Variants in NLGN1 observed in about 807,000 individuals in gnomAD.
NLGN1 encodes neuroligin-1.
In NLGN1, 12 loss-of-function variants were observed where a neutral mutation model predicts 65.5. The ratio of observed to expected loss-of-function variants is 0.18; its 90% CI spans 0.12 to 0.30. The LOEUF (loss-of-function observed/expected upper bound fraction) is 0.30. Ranked by LOEUF, NLGN1 falls within the 10% of genes least tolerant of loss-of-function variation. The pLI is 1.00. For synonymous variants in NLGN1, 350 were observed against 359.5 expected, an observed-to-expected ratio of 0.97 and a Z score of 0.30; for missense variants, 750 against 1,007.1, an observed-to-expected ratio of 0.74 and a Z score of 3.46.
intron 4 of NLGN1, among the ~76,000 whole-genome samples, chr3:173,924,892 C>T (rs2152272147): frequency 6.6e-6 from 1 of 152,122 alleles, no homozygotes; most frequent in African/African-American, 2.4e-5. Flanking sequence ...GAAATATTTA[C>T]TTGGTATATT....
At chr3:174,078,408 G>A (rs1427013063) in intron 4 of NLGN1, among the ~76,000 whole-genome samples, 2 of 152,114 alleles carry the variant, frequency 1.3e-5, no homozygotes, top group South Asian at 2.1e-4. Context: ...AAGGGTTCTA[G>A]GCAGAAATTT....
chr3:174,280,760 T>A lies in NLGN1; in HGVS notation c.1929T>A (p.Ser643=). The change falls in exon 7 of 7, where the codon TCT becomes TCA. Residue 643 remains serine (S), a synonymous_variant. Coordinates refer to ENST00000457714, the Ensembl canonical transcript of NLGN1. The surrounding 1 kb of genome is among the most constrained non-coding windows in gnomAD (Gnocchi z 4.9). ...CTTTCAGACCTACGAGAAAAAATTC[T>A]GTACCTGTCACGTCAGCCTTTCCCA... 6.2e-7 allele frequency: 1 copy of A among 1,613,390 alleles called. No individual in the cohort carries two copies. The highest frequency in any genetic ancestry group is 1.1e-5 in the South Asian group (1 of 91,084).
chr3:174,288,258 T>C (rs974872657), downstream of NLGN1, among the ~76,000 whole-genome samples: 3 of 151,584 alleles, frequency 2.0e-5, no homozygotes, highest in African/African-American at 7.3e-5. Context: ...TTCCAAATAA[T>C]AAATACAGCC....
chr3:173,921,176 A>G (rs1251616717), intron 4 of NLGN1, among the ~76,000 whole-genome samples: 3 of 138,472 alleles, frequency 2.2e-5, no homozygotes, highest in Non-Finnish European at 4.6e-5. Flanking sequence ...AATATATATT[A>G]CATATTATAT....
intron 4 of NLGN1, among the ~76,000 whole-genome samples, chr3:174,216,311 A>G (rs940136720): frequency 3.9e-5 from 6 of 152,166 alleles, no homozygotes; most frequent in Non-Finnish European, 8.8e-5. Context: ...ATAGAGGGAC[A>G]TAGGACTCCC....
intron 4 of NLGN1, among the ~76,000 whole-genome samples, chr3:174,102,000 CAGAG>C (rs2152575179): frequency 6.6e-6 from 1 of 152,234 alleles, no homozygotes; most frequent in Admixed American, 6.5e-5. Flanking sequence ...GTACTTCAGA[CAGAG>C]GGCATGATCA....
At chr3:173,732,841 C>A (rs995674642) in intron 3 of NLGN1, among the ~76,000 whole-genome samples, 2 of 151,994 alleles carry the variant, frequency 1.3e-5, no homozygotes, top group Admixed American at 6.6e-5. Flanking sequence ...TAAAACATAT[C>A]AGTTTATTTT....
At chr3:173,973,551 T>G (rs971942254) in intron 4 of NLGN1, among the ~76,000 whole-genome samples, 1 of 144,788 alleles carries the variant, frequency 6.9e-6, no homozygotes, top group East Asian at 2.0e-4. Context: ...AATTATGTGG[T>G]TTTTTTTTTG....
chr3:174,039,774 G>A (rs1380047090), intron 4 of NLGN1, among the ~76,000 whole-genome samples: 1 of 152,142 alleles, frequency 6.6e-6, no homozygotes, highest in Admixed American at 6.6e-5. Context: ...GTTTGGAATC[G>A]TTTGTGTTTA....
chr3:173,888,304 G>C (rs1179084388), intron 4 of NLGN1, among the ~76,000 whole-genome samples: 1 of 151,738 alleles, frequency 6.6e-6, no homozygotes, highest in African/African-American at 2.4e-5. Context: ...ATACAAAATG[G>C]TATAGTATTT....
intron 4 of NLGN1, among the ~76,000 whole-genome samples, chr3:174,141,086 C>A (rs928844954): frequency 6.6e-6 from 1 of 152,066 alleles, no homozygotes. Flanking sequence ...ATAATTGTTA[C>A]ACTTCACTTA....
intron 4 of NLGN1, among the ~76,000 whole-genome samples, chr3:174,104,112 C>G (rs556791599): frequency 3.9e-5 from 6 of 152,184 alleles, no homozygotes; most frequent in Non-Finnish European, 5.9e-5. Flanking sequence ...CTTCTCTTTT[C>G]TCCTTTCAGG....
At chr3:174,046,628 T>C (rs1285380790) in intron 4 of NLGN1, among the ~76,000 whole-genome samples, 1 of 152,136 alleles carries the variant, frequency 6.6e-6, no homozygotes. Flanking sequence ...TCATGCAAGT[T>C]TGTGACTGTT....
intron 1 of NLGN1, among the ~76,000 whole-genome samples, chr3:173,432,608 T>C (rs1017148755): frequency 6.6e-6 from 1 of 152,210 alleles, no homozygotes; most frequent in South Asian, 2.1e-4. Context: ...TAAGAGTTCC[T>C]TGTATATTTT....
chr3:173,492,053 G>A (rs940060838), intron 2 of NLGN1, among the ~76,000 whole-genome samples: 2 of 151,752 alleles, frequency 1.3e-5, no homozygotes, highest in Non-Finnish European at 2.9e-5. Context: ...GGATATGAGA[G>A]CAAGATAGAC....
intron 4 of NLGN1, among the ~76,000 whole-genome samples, chr3:174,262,601 G>A (rs1181778922): frequency 1.7e-4 from 25 of 150,136 alleles, no homozygotes; most frequent in Admixed American, 5.3e-4. Flanking sequence ...TCTTGCTAGC[G>A]GTCTATCAAT....
intron 2 of NLGN1, among the ~76,000 whole-genome samples, chr3:173,555,737 C>T (rs1741605747): frequency 6.6e-6 from 1 of 152,172 alleles, no homozygotes; most frequent in African/African-American, 2.4e-5. Flanking sequence ...CCACCTTGGC[C>T]TCTCAAAGTG....
chr3:174,291,846 A>T, the NLGN1 span, among the ~76,000 whole-genome samples: 2 of 151,238 alleles, frequency 1.3e-5, no homozygotes, highest in African/African-American at 4.8e-5. Flanking sequence ...TGAGGGCTAT[A>T]TGGTGGAGTA....
chr3:173,763,393 G>T (rs1778288600), intron 3 of NLGN1, among the ~76,000 whole-genome samples: 1 of 151,982 alleles, frequency 6.6e-6, no homozygotes. Context: ...AATGTAAGGG[G>T]TTGTGAGAAA....
Sources: allele counts gnomAD v4.1 joint callset (sites outside exome capture counted in the v4.1 genomes callset), GRCh38; gene constraint gnomAD v4.1.1; non-coding constraint Gnocchi (gnomAD v3.1); transcripts MANE v1.5; gene names NCBI Gene and HGNC (gene_info 2026-07-23, HGNC 2026-07-21).